Variants in SOX5 observed in about 807,000 individuals in gnomAD.
SOX5 encodes SRY-box transcription factor 5.
In SOX5, 9 loss-of-function variants were observed where a neutral mutation model predicts 92.0. That is an observed-to-expected ratio of 0.10 (90% CI 0.06 to 0.17). The LOEUF is 0.17. Among genes scored for constraint, SOX5 ranks in the 10% least tolerant of loss-of-function variants. SOX5 has a pLI of 1.00. For missense variants in SOX5, 642 were observed against 944.5 expected (o/e 0.68, Z 4.20); for synonymous variants, 344 against 336.3 (o/e 1.02, Z -0.25).
At chr12:24,050,594 C>T (rs1220603741) in intron 4 of SOX5, among the ~76,000 whole-genome samples, 2 of 152,112 alleles carry the variant, frequency 1.3e-5, no homozygotes, top group Admixed American at 6.6e-5. Flanking sequence ...TCCTTTTAAA[C>T]AATTTTGACA....
chr12:23,964,798 C>T (rs1171839677), intron 4 of SOX5, among the ~76,000 whole-genome samples: 1 of 152,120 alleles, frequency 6.6e-6, no homozygotes, highest in Non-Finnish European at 1.5e-5. Flanking sequence ...TATATATGGG[C>T]ATCTGATTAT....
At chr12:24,068,704 G>GTGTGTGTGTGTGTGTGTA (rs1444359956) in intron 4 of SOX5, among the ~76,000 whole-genome samples, 12 of 74,304 alleles carry the variant, frequency 1.6e-4, no homozygotes, top group Admixed American at 5.0e-4. Flanking sequence ...GTGTGTGTGT[G>GTGTGTGTGTGTGTGTGTA]TATATATATA....
intron 4 of SOX5, among the ~76,000 whole-genome samples, chr12:24,169,568 T>C (rs1953829636): frequency 6.6e-6 from 1 of 152,198 alleles, no homozygotes; most frequent in Non-Finnish European, 1.5e-5. Context: ...TCCCACACAA[T>C]GTGTTTTGGT....
chr12:24,385,740 C>A (rs952843098), intron 1 of SOX5, among the ~76,000 whole-genome samples: 4 of 151,868 alleles, frequency 2.6e-5, no homozygotes, highest in African/African-American at 9.7e-5. Context: ...GAGTTTGAGA[C>A]CAGCAGGGGC....
At chr12:24,015,751 A>T (rs1953519092) in intron 4 of SOX5, among the ~76,000 whole-genome samples, 1 of 152,102 alleles carries the variant, frequency 6.6e-6, no homozygotes, top group South Asian at 2.1e-4. Context: ...TCCTGTCAGG[A>T]TGCAACTCTG....
intron 1 of SOX5, among the ~76,000 whole-genome samples, chr12:24,554,636 CA>C (rs772211323): frequency 6.6e-6 from 1 of 152,094 alleles, no homozygotes. Flanking sequence ...AAATCTGGGT[CA>C]AAATATTAGG....
At chr12:24,196,692 C>G (rs1957041637) in intron 4 of SOX5, among the ~76,000 whole-genome samples, 2 of 152,020 alleles carry the variant, frequency 1.3e-5, no homozygotes, top group South Asian at 4.2e-4. Context: ...TCACTTGAGC[C>G]CAGGAGTTCA....
chr12:24,061,275 G>GTAAGTAT (rs906859971), intron 4 of SOX5, among the ~76,000 whole-genome samples: 1 of 152,102 alleles, frequency 6.6e-6, no homozygotes, highest in Non-Finnish European at 1.5e-5. Flanking sequence ...TAAGTATCCC[G>GTAAGTAT]TAAGTATTAA....
intron 2 of SOX5, among the ~76,000 whole-genome samples, chr12:24,354,927 C>CT (rs1173160084): frequency 6.6e-6 from 1 of 152,048 alleles, no homozygotes; most frequent in Non-Finnish European, 1.5e-5. Flanking sequence ...GATTCTTTGA[C>CT]TTTTTGGCAT....
rs955466604 is a variant in SOX5, at chr12:23,724,291, CACAT to C, written c.810+10389_810+10392del. On this transcript the variant is annotated intron_variant, in intron 6 of 14. Transcript: ENST00000451604. Reference sequence around the variant, plus strand: ...AGAATAACACACACGCATACACACACACATACACACAGGCCTCAGTTCTATCATC... The same window carrying C: ...AGAATAACACACACGCATACACACACACACACAGGCCTCAGTTCTATCATC... 6.6e-5 allele frequency among the ~76,000 whole-genome samples: 10 copies of C among 152,228 alleles called. No homozygotes were observed. In the East Asian group the frequency reaches 1.5e-3, roughly 24 times the overall value.
chr12:23,556,351 G>A (rs1256797913), intron 11 of SOX5, among the ~76,000 whole-genome samples: 1 of 152,110 alleles, frequency 6.6e-6, no homozygotes, highest in Non-Finnish European at 1.5e-5. Flanking sequence ...CAGGTTTTGT[G>A]TATCTTTTAA....
intron 1 of SOX5, among the ~76,000 whole-genome samples, chr12:24,447,562 G>A (rs1202459457): frequency 6.6e-6 from 1 of 152,114 alleles, no homozygotes; most frequent in African/African-American, 2.4e-5. Context: ...AAATAAAGTA[G>A]AGTTGACTTA....
intron 3 of SOX5, among the ~76,000 whole-genome samples, chr12:23,794,890 T>A (rs1053805753): frequency 1.3e-5 from 2 of 151,840 alleles, no homozygotes; most frequent in African/African-American, 4.8e-5. Context: ...ATGTTAAGCA[T>A]CTCAATGATT....
At chr12:24,561,651 T>C (rs1954355523) in intron 1 of SOX5, among the ~76,000 whole-genome samples, 2 of 147,836 alleles carry the variant, frequency 1.4e-5, no homozygotes, top group African/African-American at 5.1e-5. Context: ...TAGTTGCAAT[T>C]AGAATTAAAG....
At position 24,012,867 on chromosome 12, in the gene SOX5, C is replaced by G. The variant is rs1449141392; in HGVS notation, c.-1-116843G>C. Among the ~76,000 whole-genome samples the G allele has an allele frequency of 2.0e-5, 3 of 152,274 alleles. No individual in the cohort carries two copies. In the East Asian group the frequency reaches 5.8e-4, roughly 29 times the overall value. ...TAGCGCAATGGAGAACTACCAAACA[C>G]TTCCTAAATCTATTCAGTAGAAGCA... On this transcript the variant is annotated intron_variant, in intron 4 of 4. Transcript: ENST00000446891.
chr12:24,375,651 G>A lies in SOX5; in HGVS notation c.-250-7012C>T, dbSNP rs539718813. 3.3e-5 allele frequency among the ~76,000 whole-genome samples: 5 copies of A among 150,330 alleles called. No individual in the cohort carries two copies. The South Asian group carries it at 8.4e-4, about 25-fold the overall frequency. On this transcript the variant is annotated intron_variant, in intron 1 of 4. Transcript: ENST00000446891. ...CTTGGCAGGCTGGGGCAGGAGAATC[G>A]CTTGAACCCAGGAGGTGGATGTTGC...
At chr12:24,555,324 T>C (rs1045638243) in intron 1 of SOX5, among the ~76,000 whole-genome samples, 3 of 152,146 alleles carry the variant, frequency 2.0e-5, no homozygotes, top group Non-Finnish European at 4.4e-5. Flanking sequence ...ATGGTCAAGG[T>C]CAGTTGGTAT....
At chr12:24,350,974 C>G (rs554567621) in intron 2 of SOX5, among the ~76,000 whole-genome samples, 123 of 152,086 alleles carry the variant, frequency 8.1e-4, no homozygotes, top group Non-Finnish European at 1.6e-3. Context: ...TGAGAATTGC[C>G]TCGAGCCCAG....
At chr12:24,467,389 T>C (rs1944340740) in intron 1 of SOX5, among the ~76,000 whole-genome samples, 2 of 152,274 alleles carry the variant, frequency 1.3e-5, no homozygotes, top group Non-Finnish European at 2.9e-5. Flanking sequence ...ACACACAGCG[T>C]GCAATGGGAA....
Sources: gnomAD v4.1 joint callset for allele counts (sites outside exome capture counted in the v4.1 genomes callset) on GRCh38, gnomAD v4.1.1 for gene constraint, MANE v1.5 for transcripts, NCBI Gene and HGNC (gene_info 2026-07-23, HGNC 2026-07-21) for gene names.